ANTXR2: variants seen among roughly 807,000 people sequenced by gnomAD.
ANTXR2 encodes ANTXR cell adhesion molecule 2, also known as anthrax toxin receptor 2.
A neutral mutation model predicts 73.7 loss-of-function variants in ANTXR2; 44 were observed. The ratio of observed to expected loss-of-function variants is 0.60; its 90% confidence interval spans 0.47 to 0.77. The LOEUF (loss-of-function observed/expected upper bound fraction) is 0.77. Ranked by LOEUF, ANTXR2 falls within the 30% of genes least tolerant of loss-of-function variation. The pLI, the probability that ANTXR2 is intolerant of heterozygous loss-of-function variation, is 0.00. For missense variants in ANTXR2, 604 were observed against 592.5 expected (o/e 1.02, Z -0.20); for synonymous variants, 217 against 205.9 (o/e 1.05, Z -0.46).
intron 16 of ANTXR2, among the ~76,000 whole-genome samples, chr4:79,926,480 A>G (rs931882545): frequency 2.0e-5 from 3 of 152,156 alleles, no homozygotes; most frequent in Non-Finnish European, 2.9e-5. Context: ...AAGCAAATAA[A>G]GAAATCTGAT....
intron 12 of ANTXR2, among the ~76,000 whole-genome samples, chr4:80,004,371 T>C (rs1361497583): frequency 6.6e-6 from 1 of 152,038 alleles, no homozygotes; most frequent in Non-Finnish European, 1.5e-5. Flanking sequence ...CTATAACAAA[T>C]TATCATACAC....
intron 10 of ANTXR2, among the ~76,000 whole-genome samples, chr4:80,025,296 G>C (rs958295215): frequency 2.0e-5 from 3 of 152,100 alleles, no homozygotes; most frequent in Non-Finnish European, 4.4e-5. Flanking sequence ...TCCAAAACAG[G>C]AGAATGGCTC....
At chr4:79,953,794 T>C (rs1049076379) in intron 16 of ANTXR2, among the ~76,000 whole-genome samples, 1 of 152,114 alleles carries the variant, frequency 6.6e-6, no homozygotes, top group African/African-American at 2.4e-5. Context: ...ACAAATAATT[T>C]TCTGACGCCA....
chr4:79,979,812 A>T (rs377117656), intron 14 of ANTXR2, among the ~76,000 whole-genome samples: 4 of 151,656 alleles, frequency 2.6e-5, no homozygotes, highest in African/African-American at 9.6e-5. Flanking sequence ...CTCTAAAATC[A>T]GGACACATAT....
intron 7 of ANTXR2, among the ~76,000 whole-genome samples, chr4:80,052,879 C>T (rs1241623047): frequency 1.3e-5 from 2 of 151,492 alleles, no homozygotes; most frequent in Non-Finnish European, 3.0e-5. Context: ...AACTCAGCTA[C>T]TAATTCCTTG....
chr4:79,919,433 G>A (rs72653262), intron 16 of ANTXR2, among the ~76,000 whole-genome samples: 7,470 of 152,122 alleles, frequency 0.049, 272 homozygotes, highest in Non-Finnish European at 0.067. Flanking sequence ...GTCTTCAAAG[G>A]TGTTGCCAAA....
At chr4:79,956,213 T>C (rs1295246893) in intron 16 of ANTXR2, among the ~76,000 whole-genome samples, 2 of 152,296 alleles carry the variant, frequency 1.3e-5, no homozygotes, top group East Asian at 1.9e-4. Flanking sequence ...ATGTGTATTA[T>C]AGAGTAATAT....
intron 1 of ANTXR2, 141 bp downstream of exon 1, chr4:80,072,268 T>C (rs1264320465): frequency 4.1e-6 from 4 of 977,738 alleles, no homozygotes; most frequent in African/African-American, 1.7e-5. Context: ...CGCTTGCCCT[T>C]TGAAAGAAGA....
chr4:80,031,628 A>G lies in ANTXR2; in HGVS notation c.861T>C (p.Ala287=). The G allele has an allele frequency of 6.6e-7, 1 of 1,514,176 alleles. No individual in the cohort carries two copies. Among genetic ancestry groups the G allele is most frequent in the Non-Finnish European group, 8.8e-7 (1 of 1,137,814 alleles). The allele number at this position is 1,514,176 out of a possible 1,614,324, so 93.8% of individuals were successfully genotyped here. Residue 287 remains alanine (A), a synonymous_variant, in exon 10 of 17, where the codon GCT becomes GCC. Transcript: ENST00000403729. ...GTTTTAAATTAAGTACTTACTCTCC[A>G]GCTTTATTCAGGATAGGTGCAGGAC... ...MLCPAPILNK[A]GETLDVSVSF...
In ANTXR2 at chr4:80,035,974, C is replaced by A. The variant is rs866885109; in HGVS notation, c.695G>T (p.Gly232Val). ...ATTTTTAAATTCTAAACACTTACCC[C>A]CCACACAGACACTTGAGGGCTGCAA... ...LELQPSSVCV[G>V]EEFQIVLSGR... The change falls in exon 8 of 17, where the codon GGG becomes GTG. Residue 232 changes from glycine to valine, a missense_variant and splice_region_variant. Physicochemically the swap from Gly to Val is moderately radical, Grantham distance 109. Transcript: ENST00000403729. The A allele has an allele frequency of 6.5e-7, 1 of 1,543,362 alleles. No individual in the cohort carries two copies. The highest frequency in any genetic ancestry group is 8.7e-7 in the Non-Finnish European group (1 of 1,144,894).
At chr4:80,002,275 T>A (rs1201088002) in intron 12 of ANTXR2, among the ~76,000 whole-genome samples, 2 of 152,016 alleles carry the variant, frequency 1.3e-5, no homozygotes, top group African/African-American at 2.4e-5. Flanking sequence ...AACTAACCGA[T>A]CTTTGACGAA....
intron 12 of ANTXR2, among the ~76,000 whole-genome samples, chr4:80,006,094 T>C (rs1731289040): frequency 1.3e-5 from 2 of 152,134 alleles, no homozygotes; most frequent in Admixed American, 1.3e-4. Context: ...TTGGGAGTCA[T>C]CAGGTCAGTC....
chr4:80,052,632 C>T (rs180814469), intron 7 of ANTXR2, among the ~76,000 whole-genome samples: 1 of 151,738 alleles, frequency 6.6e-6, no homozygotes, highest in East Asian at 2.0e-4. Context: ...AAACTATACC[C>T]ATGATCTCCC....
chr4:79,996,047 C>T (rs1730708087), intron 12 of ANTXR2, among the ~76,000 whole-genome samples: 1 of 151,974 alleles, frequency 6.6e-6, no homozygotes, highest in African/African-American at 2.4e-5. Flanking sequence ...TGTGCAATCA[C>T]TATGTTTATC....
chr4:79,925,579 A>T (rs1727751488), intron 16 of ANTXR2, among the ~76,000 whole-genome samples: 1 of 151,872 alleles, frequency 6.6e-6, no homozygotes, highest in Admixed American at 6.6e-5. Context: ...CAGGACCTAC[A>T]TTTTCCACAG....
At chr4:79,988,652 A>G (rs188084003) in intron 12 of ANTXR2, among the ~76,000 whole-genome samples, 7 of 152,222 alleles carry the variant, frequency 4.6e-5, no homozygotes, top group African/African-American at 1.7e-4. Flanking sequence ...AAATGGACCT[A>G]ACAGACATCA....
intron 16 of ANTXR2, among the ~76,000 whole-genome samples, chr4:79,955,980 C>T (rs751832463): frequency 3.2e-4 from 49 of 152,228 alleles, no homozygotes; most frequent in Non-Finnish European, 5.9e-4. Context: ...AATATATAAG[C>T]TAGTTCATCC....
chr4:80,025,468 GA>G (rs1241884064), intron 10 of ANTXR2, among the ~76,000 whole-genome samples: 2 of 152,052 alleles, frequency 1.3e-5, no homozygotes, highest in Non-Finnish European at 2.9e-5. Context: ...TAAAAAGGAT[GA>G]AAAAATTAAA....
At chr4:80,018,116 T>C (rs1731964221) in intron 11 of ANTXR2, among the ~76,000 whole-genome samples, 1 of 152,188 alleles carries the variant, frequency 6.6e-6, no homozygotes, top group Admixed American at 6.5e-5. Flanking sequence ...CCGTGAGATG[T>C]GAGAAAATGT....
Sources: allele counts gnomAD v4.1 joint callset (sites outside exome capture counted in the v4.1 genomes callset), GRCh38; gene constraint gnomAD v4.1.1; transcripts MANE v1.5; gene names NCBI Gene and HGNC (gene_info 2026-07-23, HGNC 2026-07-21).